Variants in PEX11G observed in about 807,000 individuals in gnomAD.
PEX11G encodes peroxisomal biogenesis factor 11 gamma.
A neutral mutation model predicts 22.5 loss-of-function variants in PEX11G; 20 were observed. That is an observed-to-expected ratio of 0.89 (90% CI 0.62 to 1.29). The LOEUF (loss-of-function observed/expected upper bound fraction) is 1.29. Among genes scored for constraint, PEX11G ranks in the 50% most tolerant of loss-of-function variants. The probability of loss-of-function intolerance (pLI) is 0.00; values close to 1 mark genes in which losing one functional copy is unlikely to be tolerated. For synonymous variants in PEX11G, 141 were observed against 154.5 expected (o/e 0.91, Z 0.65); for missense variants, 347 against 331.3 (o/e 1.05, Z -0.37).
chr19:7,488,857 C>T, intron 1 of PEX11G, 94 bp downstream of exon 1: 2 of 1,331,764 alleles, frequency 1.5e-6, no homozygotes, highest in Middle Eastern at 1.8e-4. Flanking sequence ...GACGGAGTAT[C>T]CTGGGCGACC....
At chr19:7,494,195 C>T (rs1172303225) in intron 1 of PEX11G, among the ~76,000 whole-genome samples, 1 of 152,214 alleles carries the variant, frequency 6.6e-6, no homozygotes, top group Non-Finnish European at 1.5e-5. Flanking sequence ...GCATGAGCCA[C>T]TGCGCCCAGC....
chr19:7,488,721 G>C (rs903930101), intron 1 of PEX11G, among the ~76,000 whole-genome samples: 5 of 152,236 alleles, frequency 3.3e-5, no homozygotes, highest in African/African-American at 1.2e-4. Context: ...AGAATCGCTT[G>C]AACCCGGGAA....
At chr19:7,484,234 G>A (rs556861158) in intron 2 of PEX11G, among the ~76,000 whole-genome samples, 1 of 152,104 alleles carries the variant, frequency 6.6e-6, no homozygotes, top group South Asian at 2.1e-4. Flanking sequence ...TGCACCTGCA[G>A]TCCCAGCTAT....
At chr19:7,486,189 C>T (rs1233842911) in intron 1 of PEX11G, among the ~76,000 whole-genome samples, 163 bp from the exon 2 acceptor site, 7 of 152,090 alleles carry the variant, frequency 4.6e-5, no homozygotes, top group Admixed American at 6.6e-5. Context: ...TGCAGTGGCA[C>T]GATCTCGGCT....
rs1412975347 is a variant in PEX11G at position 7,484,772 on chromosome 19, C to CA, written c.249+1065dup. Among the ~76,000 whole-genome samples, 571 of 128,742 alleles carry CA rather than the reference C, an allele frequency of 4.4e-3. 2 individuals are homozygous for CA. Among genetic ancestry groups the CA allele is most frequent in the Admixed American group, 6.3e-3 (80 of 12,704 alleles). 84.5% of individuals were successfully genotyped at this position (128,742 alleles called of 152,430 possible). A position where few individuals can be genotyped will look rare whatever the true frequency, so the allele number is the denominator to read the frequency against. Reference sequence around the variant, plus strand: ...TGAGTGACAGAGTGAGACCTTGTCTCAAAAAAAAAAAAAGAAGCTGACCAC... The same window carrying CA: ...TGAGTGACAGAGTGAGACCTTGTCTCAAAAAAAAAAAAAAGAAGCTGACCAC... On this transcript the variant is annotated intron_variant, in intron 2 of 4. Coordinates refer to ENST00000221480, the MANE Select transcript of PEX11G (RefSeq NM_080662.4).
intron 1 of PEX11G, among the ~76,000 whole-genome samples, chr19:7,486,789 TG>T (rs1486958023): frequency 4.6e-5 from 7 of 151,826 alleles, no homozygotes; most frequent in Non-Finnish European, 1.0e-4. Context: ...TTAGTAGAGA[TG>T]GGGTTTCACC....
chr19:7,491,966 T>C (rs1278212758), upstream of PEX11G, among the ~76,000 whole-genome samples: 2 of 152,162 alleles, frequency 1.3e-5, no homozygotes, highest in Non-Finnish European at 2.9e-5. Context: ...CTGAGCATAA[T>C]GGTGTTGAGG....
chr19:7,489,333 A>G (rs557852592), upstream of PEX11G: 1 of 1,134,198 alleles, frequency 8.8e-7, no homozygotes, highest in Non-Finnish European at 1.1e-6. Context: ...AAATATTCCA[A>G]GCAAAACCAC....
At chr19:7,490,759 A>C (rs745883795), upstream of PEX11G, among the ~76,000 whole-genome samples, 26 of 139,510 alleles carry the variant, frequency 1.9e-4, no homozygotes, top group Admixed American at 6.3e-4. Context: ...ACCCAGGATG[A>C]TGCCCAGAGC....
At chr19:7,479,947 A>C (rs1977409273) in intron 3 of PEX11G, among the ~76,000 whole-genome samples, 3 of 152,162 alleles carry the variant, frequency 2.0e-5, no homozygotes, top group African/African-American at 7.2e-5. Context: ...CAATTTTGCC[A>C]TGAGCCTAAA....
chr19:7,478,589 G>A (rs903753850), intron 3 of PEX11G, among the ~76,000 whole-genome samples: 3 of 152,060 alleles, frequency 2.0e-5, no homozygotes, highest in East Asian at 1.9e-4. Context: ...CCGGGACATC[G>A]TCCTGCACTT....
In PEX11G at chr19:7,487,130, T is replaced by C. The variant is rs2021697438; in HGVS notation, c.61-1104A>G. ...GGACAAATGAAGAAACATGACATCA[T>C]TGATGTAACTGAAGGGCACAGCCTT... On this transcript the variant is annotated intron_variant, in intron 1 of 4. Coordinates refer to ENST00000221480, the MANE Select transcript of PEX11G (RefSeq NM_080662.4). 2.0e-5 allele frequency among the ~76,000 whole-genome samples: 3 copies of C among 152,184 alleles called. 1 individual carries two copies. The South Asian group carries it at 6.2e-4, about 32-fold the overall frequency.
At chr19:7,489,198 C>T (rs1037653729), upstream of PEX11G, 3 of 1,129,418 alleles carry the variant, frequency 2.7e-6, no homozygotes, top group South Asian at 4.5e-5. Flanking sequence ...CGTGTGTGCT[C>T]TCCAGGCCTG....
At chr19:7,486,604 A>T (rs2021668551) in intron 1 of PEX11G, among the ~76,000 whole-genome samples, 1 of 151,564 alleles carries the variant, frequency 6.6e-6, no homozygotes, top group Admixed American at 6.6e-5. Context: ...TCTACCAAAA[A>T]AATTTTTTTT....
chr19:7,482,203 G>A lies in PEX11G; in HGVS notation c.258C>T (p.Asp86=), dbSNP rs765726661. 15 of 1,565,056 alleles carry A rather than the reference G, an allele frequency of 9.6e-6. No homozygotes were observed. Among genetic ancestry groups the A allele is most frequent in the Admixed American group, 3.8e-5 (2 of 52,650 alleles). ...GGACGGAGACACAGCGGACAAAGGCGTCCTCCTCCTGCAGGACCAGGAGCA... is the reference window on the plus strand; with the variant it reads ...GGACGGAGACACAGCGGACAAAGGCATCCTCCTCCTGCAGGACCAGGAGCA... ...KQYGLGAQEE[D]AFVRCVSVLG... Residue 86 remains aspartate, a synonymous_variant, in exon 3 of 5, where the codon GAC becomes GAT. Coordinates refer to ENST00000221480, the MANE Select transcript of PEX11G (RefSeq NM_080662.4).
chr19:7,479,439 G>A (rs907000924), intron 3 of PEX11G, among the ~76,000 whole-genome samples: 4 of 152,142 alleles, frequency 2.6e-5, no homozygotes, highest in Admixed American at 6.6e-5. Flanking sequence ...AGCCAAGATC[G>A]CACCACTGCA....
chr19:7,477,303 AGCGGCCG>A lies in PEX11G; in HGVS notation c.618_624del (p.Gly207SerfsTer5). On this transcript the variant is annotated frameshift_variant, in exon 5 of 5. Coordinates refer to ENST00000221480, the MANE Select transcript of PEX11G (RefSeq NM_080662.4). LOFTEE classifies it high-confidence loss of function. ...ATGAGGCCCACTAGCCACGGCGGGA[AGCGGCCG>A]GCCCACAGCACGCCCCGGGGCAGCC... 6.4e-7 allele frequency: 1 copy of A among 1,568,136 alleles called. No individual in the cohort carries two copies. Among genetic ancestry groups the A allele is most frequent in the South Asian group, 1.2e-5 (1 of 85,576 alleles).
At chr19:7,489,268 A>G, upstream of PEX11G, 1 of 1,247,914 alleles carries the variant, frequency 8.0e-7, no homozygotes, top group Non-Finnish European at 1.0e-6. Context: ...TTGGCCAACT[A>G]CCCACGCACA....
upstream of PEX11G, chr19:7,490,949 TA>T (rs1049496002): frequency 6.6e-6 from 1 of 151,978 alleles, no homozygotes; most frequent in African/African-American, 2.4e-5. Context: ...AATTTCTTTT[TA>T]TTTTTTATTT....
Sources: allele counts gnomAD v4.1 joint callset (sites outside exome capture counted in the v4.1 genomes callset), GRCh38; gene constraint gnomAD v4.1.1; transcripts MANE v1.5; gene names NCBI Gene and HGNC (gene_info 2026-07-23, HGNC 2026-07-21).